Variants in ASB3 observed in about 807,000 individuals in gnomAD.
ASB3 encodes the protein ankyrin repeat and SOCS box protein 3.
ASB3 carries 41 observed loss-of-function variants against 54.5 expected under a neutral mutation model. The observed-to-expected ratio is 0.75, with a 90% CI of 0.59 to 0.98. ASB3 has a LOEUF of 0.98. Ranked by LOEUF, ASB3 falls within the 50% of genes least tolerant of loss-of-function variation. The probability of loss-of-function intolerance (pLI) is 0.00; values close to 1 mark genes in which losing one functional copy is unlikely to be tolerated. For synonymous variants in ASB3, 266 were observed against 221.2 expected (o/e 1.20, Z -1.80); for missense variants, 733 against 620.0 (o/e 1.18, Z -1.94).
chr2:53,744,092 G>A (rs1022062248), intron 3 of ASB3, among the ~76,000 whole-genome samples: 1 of 147,678 alleles, frequency 6.8e-6, no homozygotes, highest in Non-Finnish European at 1.5e-5. Context: ...AACATAGAAA[G>A]GTGGCTGGGC....
At chr2:53,770,782 A>C (rs961823119) in intron 1 of ASB3, among the ~76,000 whole-genome samples, 2 of 152,216 alleles carry the variant, frequency 1.3e-5, no homozygotes, top group Non-Finnish European at 2.9e-5. Context: ...CCTAGAACAC[A>C]AGTGGTCTGA....
rs758200256 is a variant in ASB3 at position 53,729,557 on chromosome 2, T to C, written c.369A>G (p.Gly123=). ...GCAACAGCCTTAACACATCTATCTG[T>C]CCATTTTCAACAGCTGTAATACAGC... is the stretch of plus-strand genomic sequence containing the variant. ...TTPLFLAVEN[G]QIDVLRLLLQ... is the part of the protein sequence containing the mutation. The change falls in exon 4 of 10, where the codon GGA becomes GGG. Residue 123 remains glycine (G), a synonymous_variant. Coordinates refer to ENST00000263634, the MANE Select transcript of ASB3 (RefSeq NM_016115.5). 58 of 1,613,654 alleles carry C rather than the reference T, an allele frequency of 3.6e-5. No homozygotes were observed. The highest frequency in any genetic ancestry group is 1.8e-4 in the Admixed American group (11 of 60,004).
chr2:53,718,213 C>A (rs1444803831), intron 5 of ASB3, among the ~76,000 whole-genome samples: 1 of 152,034 alleles, frequency 6.6e-6, no homozygotes, highest in Non-Finnish European at 1.5e-5. Context: ...GTGAATATCA[C>A]CATGGCATAC....
chr2:53,678,003 T>G (rs978413312), intron 9 of ASB3, among the ~76,000 whole-genome samples: 1 of 152,208 alleles, frequency 6.6e-6, no homozygotes, highest in African/African-American at 2.4e-5. Flanking sequence ...TTTAAAATTT[T>G]TATTATTTTA....
At chr2:53,751,492 A>G (rs1207952656) in intron 2 of ASB3, among the ~76,000 whole-genome samples, 2 of 152,134 alleles carry the variant, frequency 1.3e-5, no homozygotes, top group Non-Finnish European at 2.9e-5. Context: ...AGTGACATAT[A>G]ATAAGGAATT....
At chr2:53,733,480 C>T (rs980875055) in intron 3 of ASB3, among the ~76,000 whole-genome samples, 14 of 150,968 alleles carry the variant, frequency 9.3e-5, no homozygotes, top group Admixed American at 1.3e-4. Flanking sequence ...CTCACTCTGT[C>T]GCCCAAGCTC....
At chr2:53,701,980 A>G (rs1669518758) in intron 7 of ASB3, among the ~76,000 whole-genome samples, 1 of 152,224 alleles carries the variant, frequency 6.6e-6, no homozygotes, top group African/African-American at 2.4e-5. Context: ...AAAGCCCTCT[A>G]CAAAAGAAAC....
At chr2:53,729,636 G>A in intron 3 of ASB3, 66 bp from the exon 4 acceptor site, 4 of 1,373,752 alleles carry the variant, frequency 2.9e-6, no homozygotes, top group East Asian at 2.3e-5. Flanking sequence ...TGGACACTTT[G>A]GTGATGTTCT....
At chr2:53,726,815 G>A (rs549357621) in intron 5 of ASB3, among the ~76,000 whole-genome samples, 1 of 151,988 alleles carries the variant, frequency 6.6e-6, no homozygotes, top group East Asian at 1.9e-4. Flanking sequence ...TCCTGCCTCA[G>A]CCTCCCCAGT....
intron 9 of ASB3, among the ~76,000 whole-genome samples, chr2:53,690,391 C>G (rs1391084993): frequency 6.6e-6 from 1 of 152,174 alleles, no homozygotes; most frequent in African/African-American, 2.4e-5. Flanking sequence ...CAACAGAAGT[C>G]TAGGTACCTG....
chr2:53,713,623 T>C (rs1005963876), intron 7 of ASB3, among the ~76,000 whole-genome samples: 1 of 152,166 alleles, frequency 6.6e-6, no homozygotes, highest in African/African-American at 2.4e-5. Flanking sequence ...CATCCAAAAA[T>C]AATATAAAGC....
At chr2:53,769,771 G>C (rs1026089924) in intron 1 of ASB3, among the ~76,000 whole-genome samples, 5 of 152,192 alleles carry the variant, frequency 3.3e-5, no homozygotes, top group Admixed American at 2.0e-4. Flanking sequence ...TCGCTTGGGA[G>C]GCAGACGTTG....
chr2:53,687,467 C>G (rs747576139), intron 9 of ASB3, among the ~76,000 whole-genome samples: 1 of 152,166 alleles, frequency 6.6e-6, no homozygotes, highest in Non-Finnish European at 1.5e-5. Context: ...TGATTGAGAT[C>G]TTAGTAATAC....
At chr2:53,714,804 A>C (rs971561563) in intron 6 of ASB3, among the ~76,000 whole-genome samples, 1 of 152,208 alleles carries the variant, frequency 6.6e-6, no homozygotes, top group African/African-American at 2.4e-5. Context: ...CTTTAAATAC[A>C]TTTGAAACAA....
chr2:53,710,405 G>A (rs566776344), intron 7 of ASB3, among the ~76,000 whole-genome samples: 2 of 152,074 alleles, frequency 1.3e-5, no homozygotes, highest in African/African-American at 2.4e-5. Flanking sequence ...TTTCCAGTGT[G>A]TTAGCCTCAT....
At chr2:53,774,253 T>C in intron 1 of ASB3, 10 of 1,614,198 alleles carry the variant, frequency 6.2e-6, no homozygotes, top group Non-Finnish European at 8.5e-6. Context: ...AGTCATTTTT[T>C]ATCCAAAAGA....
chr2:53,702,649 G>A (rs1669554272), intron 7 of ASB3, among the ~76,000 whole-genome samples: 1 of 152,172 alleles, frequency 6.6e-6, no homozygotes, highest in South Asian at 2.1e-4. Context: ...GATACTGAGA[G>A]GAGAGATTTA....
chr2:53,770,498 TAAAAAAAAAAA>T (rs76201682), intron 1 of ASB3, among the ~76,000 whole-genome samples: 2 of 110,560 alleles, frequency 1.8e-5, no homozygotes, highest in African/African-American at 6.8e-5. Context: ...GAAGTTTATT[TAAAAAAAAAAA>T]AAAAAAAAAA....
chr2:53,770,968 C>T (rs1418255231), intron 1 of ASB3, among the ~76,000 whole-genome samples: 2 of 152,210 alleles, frequency 1.3e-5, no homozygotes, highest in African/African-American at 4.8e-5. Flanking sequence ...TTCTCTCTCA[C>T]TTAAAACCTC....
Sources: allele counts gnomAD v4.1 joint callset (sites outside exome capture counted in the v4.1 genomes callset), GRCh38; gene constraint gnomAD v4.1.1; transcripts MANE v1.5; gene names NCBI Gene and HGNC (gene_info 2026-07-23, HGNC 2026-07-21).